The following PID1 variants were observed in gnomAD, a reference collection of about 807,000 sequenced individuals.
PID1 encodes the protein phosphotyrosine interaction domain containing 1.
A neutral mutation model predicts 19.1 loss-of-function variants in PID1; 10 were observed. The ratio of observed to expected loss-of-function variants is 0.52; its 90% confidence interval spans 0.32 to 0.89. The LOEUF (loss-of-function observed/expected upper bound fraction) is 0.89, where lower values mean the gene tolerates loss of function less well. PID1 is among the 40% of genes least tolerant of loss of function. PID1 has a pLI of 0.03. For missense variants in PID1, 248 were observed against 285.3 expected, an observed-to-expected ratio of 0.87 and a Z score of 0.94; for synonymous variants, 130 against 116.0, an observed-to-expected ratio of 1.12 and a Z score of -0.78.
intron 2 of PID1, among the ~76,000 whole-genome samples, chr2:229,110,750 G>A (rs916299602): frequency 4.6e-5 from 7 of 152,106 alleles, no homozygotes; most frequent in Non-Finnish European, 4.4e-5. Flanking sequence ...CCAGTCCTTG[G>A]CTGGGATGTT....
intron 2 of PID1, among the ~76,000 whole-genome samples, chr2:229,052,366 T>A (rs541163261): frequency 6.6e-6 from 1 of 152,280 alleles, no homozygotes. Flanking sequence ...TAATACTGGA[T>A]ATAGGGGGAA....
At chr2:229,062,546 C>A (rs1289855456) in intron 2 of PID1, among the ~76,000 whole-genome samples, 1 of 151,730 alleles carries the variant, frequency 6.6e-6, no homozygotes, top group African/African-American at 2.4e-5. Context: ...AGATACTGAT[C>A]CATTATTTTC....
chr2:229,195,622 G>A (rs1163080952), intron 1 of PID1, among the ~76,000 whole-genome samples: 1 of 151,788 alleles, frequency 6.6e-6, no homozygotes, highest in Non-Finnish European at 1.5e-5. Flanking sequence ...ATGTCCTAGA[G>A]ATAATTATTT....
intron 2 of PID1, among the ~76,000 whole-genome samples, chr2:229,149,032 A>AATATAT (rs71793691): frequency 6.1e-5 from 9 of 147,188 alleles, no homozygotes; most frequent in African/African-American, 2.2e-4. Flanking sequence ...GCTTGAATCT[A>AATATAT]ATATATATAT....
intron 2 of PID1, among the ~76,000 whole-genome samples, chr2:229,144,887 C>A (rs73998569): frequency 0.14 from 20,729 of 151,660 alleles, 1,703 homozygotes; most frequent in East Asian, 0.28. Flanking sequence ...TGCTTTGATA[C>A]AATTTAAAAC....
chr2:229,210,880 C>T (rs114540914), intron 1 of PID1, among the ~76,000 whole-genome samples: 303 of 152,210 alleles, frequency 2.0e-3, no homozygotes, highest in Middle Eastern at 3.4e-3. Flanking sequence ...CAGTCAAGGA[C>T]GGTTAATCAC....
At chr2:229,069,178 T>TGTGTGTGTGA (rs756406662) in intron 2 of PID1, among the ~76,000 whole-genome samples, 14 of 117,632 alleles carry the variant, frequency 1.2e-4, no homozygotes, top group Middle Eastern at 0.01. Context: ...TGTGTGTGTG[T>TGTGTGTGTGA]GAGATGAGGG....
chr2:229,178,982 T>A (rs1347698665), intron 1 of PID1, among the ~76,000 whole-genome samples: 3 of 151,570 alleles, frequency 2.0e-5, no homozygotes. Flanking sequence ...AAAGGTCAGA[T>A]GTGAAAACTC....
At chr2:229,115,987 G>A (rs545310153) in intron 2 of PID1, among the ~76,000 whole-genome samples, 15 of 152,140 alleles carry the variant, frequency 9.9e-5, no homozygotes, top group African/African-American at 3.4e-4. Context: ...TTGGGAGGCC[G>A]AAGTGGGCAG....
intron 1 of PID1, among the ~76,000 whole-genome samples, chr2:229,257,606 C>T (rs1247291035): frequency 6.6e-6 from 1 of 152,198 alleles, no homozygotes; most frequent in East Asian, 1.9e-4. Flanking sequence ...GACAGAGCCC[C>T]AGACTGGACA....
In PID1 at chr2:229,155,997, T is replaced by C. The variant is rs1487332557; in HGVS notation, c.31-33A>G. The C allele has an allele frequency of 6.9e-6, 11 of 1,602,226 alleles. No individual in the cohort carries two copies. In the Admixed American group the frequency reaches 8.6e-5, roughly 12 times the overall value. ...GCAGAAAAATAAGCCACATGTAGTT[T>C]AATCACTTGGACTTTTATGTCCTGC... On this transcript the variant is annotated intron_variant, in intron 1 of 2. Transcript: ENST00000392055.
intron 1 of PID1, among the ~76,000 whole-genome samples, chr2:229,257,548 G>A (rs945352225): frequency 1.2e-4 from 19 of 152,106 alleles, no homozygotes; most frequent in South Asian, 2.1e-4. Context: ...GGGGATTCTC[G>A]GTTTATGCCT....
At chr2:229,237,901 A>G (rs1689756906) in intron 1 of PID1, among the ~76,000 whole-genome samples, 1 of 152,218 alleles carries the variant, frequency 6.6e-6, no homozygotes, top group South Asian at 2.1e-4. Flanking sequence ...ACACAGACAC[A>G]TAACAAAATT....
At chr2:229,251,543 T>C (rs888413805) in intron 1 of PID1, among the ~76,000 whole-genome samples, 3 of 152,220 alleles carry the variant, frequency 2.0e-5, no homozygotes, top group Non-Finnish European at 2.9e-5. Flanking sequence ...CTCATATTTA[T>C]AATGTGAAAA....
At chr2:229,036,923 T>A (rs1693676465) in intron 2 of PID1, among the ~76,000 whole-genome samples, 1 of 152,212 alleles carries the variant, frequency 6.6e-6, no homozygotes, top group Non-Finnish European at 1.5e-5. Flanking sequence ...AGGGTAAGCT[T>A]AGCTGCCTAA....
chr2:229,137,318 C>T (rs1689876559), intron 2 of PID1, among the ~76,000 whole-genome samples: 1 of 152,196 alleles, frequency 6.6e-6, no homozygotes, highest in African/African-American at 2.4e-5. Context: ...TTAATTGTGA[C>T]ATGTGTGTTT....
intron 2 of PID1, among the ~76,000 whole-genome samples, chr2:229,060,484 T>C (rs1482205618): frequency 6.6e-6 from 1 of 152,176 alleles, no homozygotes; most frequent in Admixed American, 6.6e-5. Context: ...TATTCCATTG[T>C]GCATATATAC....
intron 2 of PID1, among the ~76,000 whole-genome samples, chr2:229,031,076 T>G (rs1693540311): frequency 6.7e-6 from 1 of 149,308 alleles, no homozygotes; most frequent in Non-Finnish European, 1.5e-5. Flanking sequence ...ATTAGCCGGG[T>G]GTGGTGGCAG....
intron 1 of PID1, among the ~76,000 whole-genome samples, chr2:229,253,591 CAAAA>C (rs59530496): frequency 6.2e-5 from 8 of 128,466 alleles, no homozygotes; most frequent in Non-Finnish European, 8.3e-5. Flanking sequence ...AAATTCCAAG[CAAAA>C]AAAAAAAAAA....
Sources: allele counts gnomAD v4.1 joint callset (sites outside exome capture counted in the v4.1 genomes callset), GRCh38; gene constraint gnomAD v4.1.1; transcripts MANE v1.5; gene names NCBI Gene and HGNC (gene_info 2026-07-23, HGNC 2026-07-21).